Variants in ENPP6 observed in about 807,000 individuals in gnomAD.
The protein encoded by ENPP6 is ectonucleotide pyrophosphatase/phosphodiesterase 6.
ENPP6 carries 32 observed loss-of-function variants against 42.0 expected under a neutral mutation model. That is an observed-to-expected ratio of 0.76 (90% CI 0.58 to 1.02). The LOEUF (loss-of-function observed/expected upper bound fraction) is 1.02, where lower values mean the gene tolerates loss of function less well. Ranked by LOEUF, ENPP6 falls within the 50% of genes least tolerant of loss-of-function variation. The pLI, the probability that ENPP6 is intolerant of heterozygous loss-of-function variation, is 0.00. For synonymous variants in ENPP6, 213 were observed against 216.0 expected (o/e 0.99, Z 0.12); for missense variants, 552 against 566.8 (o/e 0.97, Z 0.27).
At chr4:184,130,372 C>T (rs371352823) in intron 2 of ENPP6, among the ~76,000 whole-genome samples, 3,311 of 148,686 alleles carry the variant, frequency 0.022, 138 homozygotes, top group African/African-American at 0.078. Context: ...TCCTGGCTAA[C>T]ACGGTGAAAC....
intron 2 of ENPP6, among the ~76,000 whole-genome samples, chr4:184,144,664 C>A (rs928956857): frequency 3.9e-5 from 6 of 152,226 alleles, no homozygotes; most frequent in Non-Finnish European, 8.8e-5. Flanking sequence ...AGGTCCTGAG[C>A]GCTGCTACCA....
At chr4:184,106,587 A>G (rs1736101576) in intron 6 of ENPP6, among the ~76,000 whole-genome samples, 1 of 152,056 alleles carries the variant, frequency 6.6e-6, no homozygotes, top group Admixed American at 6.5e-5. Flanking sequence ...TCTGGGTTTC[A>G]GCCTCAAGCT....
At chr4:184,197,749 A>G (rs1732826707) in intron 1 of ENPP6, among the ~76,000 whole-genome samples, 1 of 152,236 alleles carries the variant, frequency 6.6e-6, no homozygotes, top group Non-Finnish European at 1.5e-5. Context: ...TTAGTGTTAT[A>G]TCTTACACAG....
intron 1 of ENPP6, among the ~76,000 whole-genome samples, chr4:184,175,447 C>T (rs1166618878): frequency 6.6e-6 from 1 of 152,126 alleles, no homozygotes; most frequent in Admixed American, 6.6e-5. Flanking sequence ...CATACCTTCC[C>T]TGCTCTCTTC....
intron 2 of ENPP6, among the ~76,000 whole-genome samples, chr4:184,153,053 A>G (rs936536503): frequency 6.6e-6 from 1 of 151,962 alleles, no homozygotes; most frequent in Non-Finnish European, 1.5e-5. Context: ...AGGAAATAGC[A>G]TTATCTCTGG....
intron 1 of ENPP6, among the ~76,000 whole-genome samples, chr4:184,194,225 T>C (rs11724782): frequency 0.83 from 126,947 of 152,136 alleles, 53,206 homozygotes; most frequent in East Asian, 0.98. Context: ...CGTCGCAGTG[T>C]GAGAATATAA....
chr4:184,128,890 A>G (rs1736548867), intron 2 of ENPP6, among the ~76,000 whole-genome samples: 1 of 152,240 alleles, frequency 6.6e-6, no homozygotes, highest in African/African-American at 2.4e-5. Flanking sequence ...ATTGCATACT[A>G]TCTGATCATG....
chr4:184,163,135 G>A (rs1021290652), intron 1 of ENPP6, among the ~76,000 whole-genome samples: 2 of 152,140 alleles, frequency 1.3e-5, no homozygotes, highest in African/African-American at 4.8e-5. Context: ...AAATCATGTC[G>A]ATCACTTGGG....
chr4:184,192,911 C>T (rs956679886), intron 1 of ENPP6, among the ~76,000 whole-genome samples: 11 of 152,154 alleles, frequency 7.2e-5, no homozygotes, highest in African/African-American at 2.4e-4. Context: ...CACTTCATAA[C>T]CCTGGAATGG....
chr4:184,133,185 A>G (rs1382596137), intron 2 of ENPP6, among the ~76,000 whole-genome samples: 4 of 152,112 alleles, frequency 2.6e-5, no homozygotes, highest in Non-Finnish European at 5.9e-5. Flanking sequence ...ACACACACAC[A>G]CACACACAGT....
At chr4:184,193,704 A>G (rs146203101) in intron 1 of ENPP6, among the ~76,000 whole-genome samples, 9 of 152,298 alleles carry the variant, frequency 5.9e-5, no homozygotes, top group African/African-American at 2.2e-4. Flanking sequence ...CATATATGGG[A>G]TCTAATTAGC....
At chr4:184,165,641 A>G (rs1030627864) in intron 1 of ENPP6, among the ~76,000 whole-genome samples, 18 of 64,310 alleles carry the variant, frequency 2.8e-4, no homozygotes, top group African/African-American at 1.4e-3. Context: ...AAATACCTCT[A>G]AGGAGGAATA....
rs59183354 is a variant in ENPP6, at chr4:184,160,476, C to A, written c.242-6743G>T. ...GAGAATTGTCTACTCATGACTTTTG[C>A]CCATTTTTTGATGGGATTATTTGGA... On this transcript the variant is annotated intron_variant, in intron 1 of 7. Transcript: ENST00000296741. Among the ~76,000 whole-genome samples, 963 of 152,194 alleles carry A rather than the reference C, an allele frequency of 6.3e-3. 17 individuals are homozygous for A. Among genetic ancestry groups the A allele is most frequent in the South Asian group, 0.056 (269 of 4,816 alleles).
At chr4:184,098,305 G>T (rs956226860) in intron 6 of ENPP6, among the ~76,000 whole-genome samples, 4 of 152,174 alleles carry the variant, frequency 2.6e-5, no homozygotes, top group Non-Finnish European at 5.9e-5. Flanking sequence ...GACCTGTGAG[G>T]CCCACTCTAA....
intron 2 of ENPP6, among the ~76,000 whole-genome samples, chr4:184,142,526 C>T (rs1381566687): frequency 6.6e-6 from 1 of 152,148 alleles, no homozygotes; most frequent in Non-Finnish European, 1.5e-5. Flanking sequence ...TTGGCGGTGG[C>T]TCCCTTCTGA....
intron 1 of ENPP6, among the ~76,000 whole-genome samples, chr4:184,201,111 C>A (rs546763747): frequency 3.9e-3 from 601 of 152,284 alleles, no homozygotes; most frequent in Non-Finnish European, 6.9e-3. Flanking sequence ...AAACACAGCA[C>A]GCGCGCCCCC....
intron 2 of ENPP6, among the ~76,000 whole-genome samples, chr4:184,131,259 T>TTTCTCTTTCTTTCTTTCTTTCCTTCTTC (rs1553996065): frequency 1.4e-5 from 1 of 73,280 alleles, no homozygotes; most frequent in African/African-American, 5.5e-5. Context: ...TTTCTCTTTC[T>TTTCTCTTTCTTTCTTTCTTTCCTTCTTC]CTTCCTTCCT....
chr4:184,205,886 A>G (rs1732988002), intron 1 of ENPP6, among the ~76,000 whole-genome samples: 1 of 152,136 alleles, frequency 6.6e-6, no homozygotes, highest in South Asian at 2.1e-4. Flanking sequence ...AGGAGTGAGT[A>G]AAGTAAAAGG....
intron 1 of ENPP6, among the ~76,000 whole-genome samples, chr4:184,164,028 C>T (rs932114003): frequency 6.6e-6 from 1 of 152,180 alleles, no homozygotes; most frequent in Non-Finnish European, 1.5e-5. Flanking sequence ...GTTATAACAA[C>T]GTGTGACAGC....
Sources: allele counts gnomAD v4.1 joint callset (sites outside exome capture counted in the v4.1 genomes callset), GRCh38; gene constraint gnomAD v4.1.1; transcripts MANE v1.5; gene names NCBI Gene and HGNC (gene_info 2026-07-23, HGNC 2026-07-21).